Variants in PJVK observed in about 807,000 individuals in gnomAD.
PJVK encodes pejvakin.
A neutral mutation model predicts 37.6 loss-of-function variants in PJVK; 33 were observed. That is an observed-to-expected ratio of 0.88 (90% confidence interval 0.67 to 1.17). PJVK has a LOEUF of 1.17. Among genes scored for constraint, PJVK ranks in the 50% most tolerant of loss-of-function variants. The probability of loss-of-function intolerance (pLI) is 0.00; values close to 1 mark genes in which losing one functional copy is unlikely to be tolerated. For synonymous variants in PJVK, 141 were observed against 143.5 expected (o/e 0.98, Z 0.13); for missense variants, 410 against 413.8 (o/e 0.99, Z 0.08).
rs1487317834 is a variant in PJVK at position 178,456,050 on chromosome 2, A to T, written c.448A>T (p.Ser150Cys). ...CCACAGCTTGATACGTCAGTCAAGG[A>T]GCAGCAGAAAGGCAGTATTGTGTGT... Reference protein sequence around the residue: ...FDHSLIRQSRSSRKAVLCVVM... With the variant: ...FDHSLIRQSRCSRKAVLCVVM... The change falls in exon 4 of 7, where the codon AGC becomes TGC. Residue 150 changes from serine (S) to cysteine (C), a missense_variant. Ser to Cys is a moderately radical substitution (Grantham distance 112). Coordinates refer to ENST00000644580, the MANE Select transcript of PJVK (RefSeq NM_001042702.5). 25 of 1,614,090 alleles carry T rather than the reference A, an allele frequency of 1.5e-5. No individual in the cohort carries two copies. The highest frequency in any genetic ancestry group is 2.7e-5 in the African/African-American group (2 of 74,938).
chr2:178,458,436 A>G, intron 4 of PJVK, 74 bp from the exon 5 acceptor site: 2 of 1,241,466 alleles, frequency 1.6e-6, no homozygotes, highest in East Asian at 2.5e-5. Context: ...GATTATAGGA[A>G]ATGTTTCATT....
intron 5 of PJVK, among the ~76,000 whole-genome samples, chr2:178,459,431 T>C (rs1275575263): frequency 6.6e-6 from 1 of 152,210 alleles, no homozygotes; most frequent in Non-Finnish European, 1.5e-5. Context: ...TATATATATA[T>C]TTATGTATGG....
chr2:178,455,879 C>T, intron 3 of PJVK, 131 bp from the exon 4 acceptor site: 1 of 1,006,556 alleles, frequency 9.9e-7, no homozygotes, highest in South Asian at 1.6e-5. Context: ...GGTGTATTTT[C>T]TGACTATTAG....
Position 178,458,540 on chromosome 2 carries a change from G to C in PJVK, c.580G>C (p.Gly194Arg). 1 of 1,613,752 alleles carries C rather than the reference G, an allele frequency of 6.2e-7. No homozygotes were observed. The highest frequency in any genetic ancestry group is 8.5e-7 in the Non-Finnish European group (1 of 1,179,728). ...CTTTATGGATGAACAGAATCCCAAG[G>C]GAAGGGACAAAGCTATTGTTTTCCC... ...FHFMDEQNPK[G>R]RDKAIVFPAH... The change falls in exon 5 of 7, where the codon GGA (glycine) becomes CGA (arginine). Residue 194 changes from glycine (G) to arginine (R), a missense_variant. Transcript: ENST00000644580.
intron 6 of PJVK, 139 bp downstream of exon 6, chr2:178,460,585 A>C (rs986922768): frequency 1.2e-5 from 10 of 809,604 alleles, no homozygotes; most frequent in Non-Finnish European, 1.8e-5. Context: ...GCTCATGCCT[A>C]TAATCCCAGC....
rs1339903244 is a variant in PJVK, at chr2:178,453,522, T to C, written c.113T>C (p.Val38Ala). The C allele has an allele frequency of 6.8e-6, 11 of 1,614,142 alleles. No homozygotes were observed. The highest frequency in any genetic ancestry group is 9.3e-6 in the Non-Finnish European group (11 of 1,180,014). Residue 38 changes from valine to alanine, a missense_variant, in exon 2 of 7, where the codon GTA becomes GCA. Coordinates refer to ENST00000644580, the MANE Select transcript of PJVK (RefSeq NM_001042702.5). ...AAATATCAACCTCTAAGTCTGGTGG[T>C]AAAAAAGAAGCGATGCTTTCTGTTT... is the stretch of plus-strand genomic sequence containing the variant. The part of the protein sequence containing the change: ...ADKYQPLSLV[V>A]KKKRCFLFPR...
chr2:178,460,897 A>G (rs1684462534), intron 6 of PJVK, 85 bp from the exon 7 acceptor site: 8 of 730,924 alleles, frequency 1.1e-5, no homozygotes, highest in Admixed American at 2.0e-5. Context: ...TGACTAGTGG[A>G]TTCACATATT....
chr2:178,458,169 A>G (rs536603215), intron 4 of PJVK, among the ~76,000 whole-genome samples: 2 of 152,180 alleles, frequency 1.3e-5, no homozygotes, highest in East Asian at 1.9e-4. Context: ...TAGACAGGCT[A>G]GGCTGAAAAC....
At chr2:178,455,193 G>A (rs1683966451) in intron 3 of PJVK, 1 of 1,586,172 alleles carries the variant, frequency 6.3e-7, no homozygotes. Context: ...ATGGAGTGGT[G>A]GAGCCGCTTG....
chr2:178,454,304 A>T (rs747289196), intron 2 of PJVK, 28 bp from the exon 3 acceptor site: 58 of 1,582,258 alleles, frequency 3.7e-5, no homozygotes, highest in Non-Finnish European at 2.9e-5. Context: ...AAAGATGTTT[A>T]AAAAATACTG....
intron 3 of PJVK, 137 bp downstream of exon 3, chr2:178,454,664 G>T: frequency 1.4e-6 from 2 of 1,408,062 alleles, no homozygotes; most frequent in Non-Finnish European, 2.0e-6. Flanking sequence ...GAAATACATT[G>T]GTAGTATATC....
rs1559368313 is a variant in PJVK, at chr2:178,455,973, G to GT, written c.408-35dup. 2.5e-6 allele frequency: 4 copies of GT among 1,607,956 alleles called. No individual in the cohort carries two copies. The Admixed American group carries it at 5.0e-5, about 20-fold the overall frequency. On this transcript the variant is annotated intron_variant, in intron 3 of 6. Coordinates refer to ENST00000644580, the MANE Select transcript of PJVK (RefSeq NM_001042702.5). The stretch of plus-strand genomic sequence containing the variant: ...TGTATTTGATTATGTGTAATTAGAT[G>GT]TTATAGAGTCTTGTGAATGTATCTT...
chr2:178,454,962 AC>A (rs1413988114), intron 3 of PJVK: 2 of 926,298 alleles, frequency 2.2e-6, no homozygotes, highest in Non-Finnish European at 3.6e-6. Context: ...CTGGACCAAG[AC>A]CCTGTCGGAG....
intron 1 of PJVK, chr2:178,452,412 A>G: frequency 2.0e-6 from 2 of 985,298 alleles, no homozygotes; most frequent in Non-Finnish European, 2.4e-6. Flanking sequence ...TGCTTTAATT[A>G]GAGCCTATTC....
At chr2:178,454,889 T>C (rs758033301) in intron 3 of PJVK, 4 of 962,122 alleles carry the variant, frequency 4.2e-6, no homozygotes, top group Non-Finnish European at 3.4e-6. Flanking sequence ...AGGAGGAAGA[T>C]GAGAAGGACA....
chr2:178,461,231 A>C lies in PJVK; in HGVS notation c.1016A>C (p.His339Pro). ...GATGGTCAGAAGTATGTGAGACTTC[A>C]TGCAGTTCCTTGTTTTGATATTTGG... Reference protein sequence around the residue: ...SVDGQKYVRLHAVPCFDIWHK... With the variant: ...SVDGQKYVRLPAVPCFDIWHK... Residue 339 changes from histidine to proline, a missense_variant, in exon 7 of 7, where the codon CAT becomes CCT. Coordinates refer to ENST00000644580, the MANE Select transcript of PJVK (RefSeq NM_001042702.5). The C allele has an allele frequency of 6.2e-7, 1 of 1,614,194 alleles. No homozygotes were observed. Among genetic ancestry groups the C allele is most frequent in the South Asian group, 1.1e-5 (1 of 91,086 alleles).
At chr2:178,452,442 A>G (rs1047218043) in intron 1 of PJVK, 2 of 985,244 alleles carry the variant, frequency 2.0e-6, no homozygotes, top group African/African-American at 3.5e-5. Flanking sequence ...CTCCGTCTAT[A>G]TATGTATGTA....
In PJVK at chr2:178,456,867, CA is replaced by C. The variant is rs1321620514; in HGVS notation, c.549+717del. On this transcript the variant is annotated intron_variant, in intron 4 of 6. Coordinates refer to ENST00000644580, the MANE Select transcript of PJVK (RefSeq NM_001042702.5). ...AAATTACATGCATACTGGAGTCCCT[CA>C]TATTACTATTTAAGTGCTGTTTTAA... Among the ~76,000 whole-genome samples the C allele has an allele frequency of 6.6e-5, 10 of 152,280 alleles. No homozygotes were observed. The South Asian group carries it at 2.1e-3, about 32-fold the overall frequency.
chr2:178,460,501 C>A, intron 6 of PJVK, 55 bp downstream of exon 6: 1 of 1,474,196 alleles, frequency 6.8e-7, no homozygotes, highest in Non-Finnish European at 9.4e-7. Context: ...CCTGGCTTAA[C>A]ACATGAGGTT....
Sources: allele counts gnomAD v4.1 joint callset (sites outside exome capture counted in the v4.1 genomes callset), GRCh38; gene constraint gnomAD v4.1.1; transcripts MANE v1.5; gene names NCBI Gene and HGNC (gene_info 2026-07-23, HGNC 2026-07-21).